RXRG: variants seen among roughly 807,000 people sequenced by gnomAD.
RXRG encodes retinoic acid receptor RXR-gamma.
RXRG carries 19 observed loss-of-function variants against 49.2 expected under a neutral mutation model. The ratio of observed to expected loss-of-function variants is 0.39; its 90% CI spans 0.27 to 0.57. The LOEUF is 0.57. RXRG is among the 20% of genes least tolerant of loss of function. The pLI is 0.64. For synonymous variants in RXRG, 224 were observed against 216.6 expected (o/e 1.03, Z -0.30); for missense variants, 452 against 592.5 (o/e 0.76, Z 2.46).
chr1:165,416,955 G>T, intron 4 of RXRG, 86 bp downstream of exon 4: 2 of 1,310,210 alleles, frequency 1.5e-6, no homozygotes, highest in South Asian at 1.4e-5. Flanking sequence ...TGGGCACCAT[G>T]ACTTCTCGTG....
At chr1:165,418,737 T>A (rs1238545942) in intron 3 of RXRG, among the ~76,000 whole-genome samples, 1 of 152,242 alleles carries the variant, frequency 6.6e-6, no homozygotes, top group East Asian at 1.9e-4. Context: ...CTGTGTGACA[T>A]AGTCATTCCC....
chr1:165,419,451 C>T (rs1658238264), intron 3 of RXRG, among the ~76,000 whole-genome samples: 1 of 151,446 alleles, frequency 6.6e-6, no homozygotes. Context: ...AGTACAGTAG[C>T]GTGATCATGG....
chr1:165,435,894 GAC>G, intron 1 of RXRG, among the ~76,000 whole-genome samples: 1 of 152,314 alleles, frequency 6.6e-6, no homozygotes, highest in South Asian at 2.1e-4. Context: ...CCATCTCTGT[GAC>G]AACTACTCAC....
Position 165,417,075 on chromosome 1 carries a change from A to G in RXRG, c.588T>C (p.Tyr196=), listed in dbSNP as rs773186135. The G allele has an allele frequency of 2.5e-5, 41 of 1,613,968 alleles. No individual in the cohort carries two copies. The highest frequency in any genetic ancestry group is 3.5e-5 in the Non-Finnish European group (41 of 1,179,956). The change falls in exon 4 of 10, where the codon TAT becomes TAC. Residue 196 remains tyrosine, a synonymous_variant. Transcript: ENST00000359842. Reference sequence around the variant, plus strand: ...TCATGCCCATGACAAGGCACTTCTGATAGCGACAGTACTGGCAGCGGTTGC... The same window carrying G: ...TCATGCCCATGACAAGGCACTTCTGGTAGCGACAGTACTGGCAGCGGTTGC... ...RQRNRCQYCR[Y]QKCLVMGMKR...
chr1:165,425,385 A>G (rs958993837), intron 2 of RXRG, among the ~76,000 whole-genome samples: 1 of 152,174 alleles, frequency 6.6e-6, no homozygotes, highest in Non-Finnish European at 1.5e-5. Flanking sequence ...CATGAGAGTA[A>G]AGACCTTGGC....
At chr1:165,428,639 G>A in intron 2 of RXRG, 80 bp downstream of exon 2, 1 of 1,493,066 alleles carries the variant, frequency 6.7e-7, no homozygotes, top group Non-Finnish European at 9.0e-7. Context: ...GACCTGCTGA[G>A]TGCTGGTTCT....
chr1:165,405,629 A>G (rs1482924720), intron 9 of RXRG, among the ~76,000 whole-genome samples: 1 of 152,226 alleles, frequency 6.6e-6, no homozygotes, highest in Non-Finnish European at 1.5e-5. Context: ...GTCATGGTGG[A>G]GACACAAGAA....
At position 165,427,039 on chromosome 1, in the gene RXRG, A is replaced by G. The variant is rs182072141; in HGVS notation, c.297+1680T>C. 3.3e-5 allele frequency among the ~76,000 whole-genome samples: 5 copies of G among 152,324 alleles called. No individual in the cohort carries two copies. The East Asian group carries it at 9.6e-4, about 29-fold the overall frequency. On this transcript the variant is annotated intron_variant, in intron 2 of 9. Coordinates refer to ENST00000359842, the MANE Select transcript of RXRG (RefSeq NM_006917.5). ...ATCTTCAACTAATTGGATGATGCCCACTCACATTAGGGAGGGCAAACTCCT... is the reference window on the plus strand; with the variant it reads ...ATCTTCAACTAATTGGATGATGCCCGCTCACATTAGGGAGGGCAAACTCCT...
At chr1:165,430,398 C>A (rs549866932) in intron 1 of RXRG, among the ~76,000 whole-genome samples, 2 of 152,322 alleles carry the variant, frequency 1.3e-5, no homozygotes, top group South Asian at 4.1e-4. Context: ...CTTTCAAGTT[C>A]TGGTAGAGAG....
chr1:165,407,049 G>T (rs17847951), intron 8 of RXRG, 132 bp from the exon 9 acceptor site: 1 of 610,372 alleles, frequency 1.6e-6, no homozygotes, highest in Non-Finnish European at 2.9e-6. Flanking sequence ...AAACAAAGCT[G>T]GTCATTCATG....
chr1:165,410,000 T>C (rs1464077022), intron 6 of RXRG, among the ~76,000 whole-genome samples: 1 of 151,986 alleles, frequency 6.6e-6, no homozygotes, highest in Non-Finnish European at 1.5e-5. Flanking sequence ...TAGCGGATAA[T>C]AGTCACTATG....
At position 165,401,051 on chromosome 1, in the gene RXRG, G is replaced by A; in HGVS notation, c.*212C>T. 1 of 513,386 alleles carries A rather than the reference G, an allele frequency of 1.9e-6. No homozygotes were observed. Among genetic ancestry groups the A allele is most frequent in the Non-Finnish European group, 3.4e-6 (1 of 294,694 alleles). 31.8% of individuals were successfully genotyped at this position (513,386 alleles called of 1,614,324 possible). Reference sequence around the variant, plus strand: ...CCAAGAACTTCCAGAAAGTCTCCCAGCCCTGTAGACAGCAAAGCGTATTAC... The same window carrying A: ...CCAAGAACTTCCAGAAAGTCTCCCAACCCTGTAGACAGCAAAGCGTATTAC... On this transcript the variant is annotated 3_prime_UTR_variant, in exon 10 of 10. Transcript: ENST00000359842.
chr1:165,441,313 A>G (rs1029714511), intron 1 of RXRG, among the ~76,000 whole-genome samples: 3 of 152,200 alleles, frequency 2.0e-5, no homozygotes, highest in Non-Finnish European at 4.4e-5. Flanking sequence ...CTGAGGCTGC[A>G]TATCTGAGGT....
intron 1 of RXRG, among the ~76,000 whole-genome samples, chr1:165,430,965 T>C (rs758126912): frequency 6.6e-6 from 1 of 152,232 alleles, no homozygotes; most frequent in Non-Finnish European, 1.5e-5. Flanking sequence ...TGGTCTGGTT[T>C]CCTGCCCTTT....
At chr1:165,413,794 T>C (rs1043125178) in intron 4 of RXRG, among the ~76,000 whole-genome samples, 6 of 148,938 alleles carry the variant, frequency 4.0e-5, no homozygotes, top group African/African-American at 1.5e-4. Context: ...TGGGCTAGGC[T>C]CTCCAAACCT....
At chr1:165,406,291 G>A (rs910870659) in intron 9 of RXRG, among the ~76,000 whole-genome samples, 4 of 152,110 alleles carry the variant, frequency 2.6e-5, no homozygotes, top group East Asian at 1.9e-4. Context: ...TGCCACACAC[G>A]TGGCACCCTG....
At chr1:165,425,337 T>C (rs1164571234) in intron 2 of RXRG, among the ~76,000 whole-genome samples, 1 of 152,174 alleles carries the variant, frequency 6.6e-6, no homozygotes, top group Non-Finnish European at 1.5e-5. Context: ...GTTTATTCCT[T>C]AGGTTTTTGC....
chr1:165,401,472 C>A (rs1004017473), intron 9 of RXRG, 62 bp from the exon 10 acceptor site: 11 of 1,593,232 alleles, frequency 6.9e-6, no homozygotes, highest in South Asian at 5.5e-5. Flanking sequence ...CCTGCACCTG[C>A]TGGCAGGAGG....
chr1:165,417,967 C>T (rs1658179495), intron 3 of RXRG, among the ~76,000 whole-genome samples: 1 of 151,870 alleles, frequency 6.6e-6, no homozygotes, highest in Admixed American at 6.6e-5. Context: ...AAAAATTAGC[C>T]GCGCATGGTG....
Sources: gnomAD v4.1 joint callset for allele counts (sites outside exome capture counted in the v4.1 genomes callset) on GRCh38, gnomAD v4.1.1 for gene constraint, MANE v1.5 for transcripts, NCBI Gene and HGNC (gene_info 2026-07-23, HGNC 2026-07-21) for gene names.